PRC1: variants seen among roughly 807,000 people sequenced by gnomAD.
The protein encoded by PRC1 is protein regulator of cytokinesis 1.
A neutral mutation model predicts 91.2 loss-of-function variants in PRC1; 54 were observed. That is an observed-to-expected ratio of 0.59 (90% confidence interval 0.48 to 0.74). PRC1 has a LOEUF of 0.74. PRC1 is among the 30% of genes least tolerant of loss of function. The pLI, the probability that PRC1 is intolerant of heterozygous loss-of-function variation, is 0.00. For missense variants in PRC1, 727 were observed against 746.2 expected (o/e 0.97, Z 0.30); for synonymous variants, 275 against 263.6 (o/e 1.04, Z -0.42).
At position 90,980,191 on chromosome 15, in the gene PRC1, G is replaced by A. The variant is rs773710907; in HGVS notation, c.970+51C>T. 40 of 1,536,024 alleles carry A rather than the reference G, an allele frequency of 2.6e-5. 1 individual carries two copies. The African/African-American group carries it at 4.5e-4, about 17-fold the overall frequency. ...ACTTGAGACTAGGCTGGGCAACAGAGTAAGACCTGTCTCCAAACAAACAAA... is the reference window on the plus strand; with the variant it reads ...ACTTGAGACTAGGCTGGGCAACAGAATAAGACCTGTCTCCAAACAAACAAA... On this transcript the variant is annotated intron_variant, in intron 7 of 14. Coordinates refer to ENST00000394249, the MANE Select transcript of PRC1 (RefSeq NM_003981.4).
At chr15:90,980,736 C>T in intron 6 of PRC1, 148 bp downstream of exon 6, 1 of 1,123,134 alleles carries the variant, frequency 8.9e-7, no homozygotes, top group Admixed American at 2.4e-5. Context: ...GAACTCCTGA[C>T]CTCAAATGAT....
chr15:90,993,522 A>C lies in PRC1; in HGVS notation c.11+885T>G, dbSNP rs112775047. The stretch of plus-strand genomic sequence containing the variant: ...GCCTTAGAACAATCAGTTCCACCAA[A>C]AACTACACATTATTTAACGCTGTAT... On this transcript the variant is annotated intron_variant, in intron 1 of 14. Transcript: ENST00000394249. Among the ~76,000 whole-genome samples, 7 of 152,290 alleles carry C rather than the reference A, an allele frequency of 4.6e-5. 1 individual carries two copies. The highest frequency in any genetic ancestry group is 1.7e-4 in the African/African-American group (7 of 41,554).
Position 90,990,391 on chromosome 15 carries a change from AT to A in PRC1, c.11+4015del, listed in dbSNP as rs200166312. 8.4e-3 allele frequency among the ~76,000 whole-genome samples: 1,188 copies of A among 141,804 alleles called. 10 individuals carry two copies. The highest frequency in any genetic ancestry group is 0.018 in the South Asian group (83 of 4,588). The allele number at this position is 141,804 out of a possible 152,430, so 93.0% of individuals were successfully genotyped here. A position where few individuals can be genotyped will look rare whatever the true frequency, so the allele number is the denominator to read the frequency against. On this transcript the variant is annotated intron_variant, in intron 1 of 14. Transcript: ENST00000394249. ...AAATAAATAAATAAATAAATAAATA[AT>A]TTTTTTTTTTTTTTTAAGAGGTAGA...
In PRC1 at chr15:90,984,894, G is replaced by A. The variant is rs1483178900; in HGVS notation, c.12-69C>T. 6.4e-7 allele frequency: 1 copy of A among 1,569,764 alleles called. No individual in the cohort carries two copies. The highest frequency in any genetic ancestry group is 8.6e-7 in the Non-Finnish European group (1 of 1,159,952). ...CCTCTGGACTAAAAGCACTATTTTCGAGAACTAAAAAGACTAGCTTCTCAG... is the reference window on the plus strand; with the variant it reads ...CCTCTGGACTAAAAGCACTATTTTCAAGAACTAAAAAGACTAGCTTCTCAG... On this transcript the variant is annotated intron_variant, in intron 1 of 14. Transcript: ENST00000394249. This position sits in a 1 kb window ranked among gnomAD's most constrained non-coding sequence, Gnocchi z 5.1.
chr15:90,984,917 C>T lies in PRC1; in HGVS notation c.12-92G>A. On this transcript the variant is annotated intron_variant, in intron 1 of 14. Coordinates refer to ENST00000394249, the MANE Select transcript of PRC1 (RefSeq NM_003981.4). The surrounding 1 kb of genome is among the most constrained non-coding windows in gnomAD (Gnocchi z 5.1). Reference sequence around the variant, plus strand: ...TCGAGAACTAAAAAGACTAGCTTCTCAGTGGCCTCGAGAAAAAAACAAATT... The same window carrying T: ...TCGAGAACTAAAAAGACTAGCTTCTTAGTGGCCTCGAGAAAAAAACAAATT... The T allele has an allele frequency of 2.0e-6, 3 of 1,503,642 alleles. No individual in the cohort carries two copies. The highest frequency in any genetic ancestry group is 2.7e-6 in the Non-Finnish European group (3 of 1,111,814). The allele number at this position is 1,503,642 out of a possible 1,614,324, so 93.1% of individuals were successfully genotyped here.
chr15:90,975,870 C>T (rs539496989), intron 9 of PRC1, among the ~76,000 whole-genome samples: 2 of 152,046 alleles, frequency 1.3e-5, no homozygotes, highest in East Asian at 1.9e-4. Context: ...TTAGGTGGGC[C>T]CTAATCTCAT....
intron 12 of PRC1, among the ~76,000 whole-genome samples, chr15:90,969,919 G>GA (rs1009348572): frequency 6.6e-6 from 1 of 151,674 alleles, no homozygotes; most frequent in African/African-American, 2.4e-5. Flanking sequence ...ACTGTCTCTA[G>GA]AAAAAAATTT....
At chr15:90,972,362 GAT>G (rs2038232572) in intron 11 of PRC1, among the ~76,000 whole-genome samples, 1 of 152,086 alleles carries the variant, frequency 6.6e-6, no homozygotes, top group Non-Finnish European at 1.5e-5. Context: ...CGGTGTGGGT[GAT>G]AGAGCAAGAC....
At position 90,984,966 on chromosome 15, in the gene PRC1, C is replaced by T. The variant is rs1467496294; in HGVS notation, c.12-141G>A. 2.1e-6 allele frequency: 2 copies of T among 943,604 alleles called. No individual in the cohort carries two copies. The highest frequency in any genetic ancestry group is 2.5e-5 in the East Asian group (1 of 39,288). 58.5% of individuals were successfully genotyped at this position (943,604 alleles called of 1,614,324 possible). ...TTGAAAACAAGCATTCAGCTTAATTCACCTTTAACCACTCCCCATCCCTTT... is the reference window on the plus strand; with the variant it reads ...TTGAAAACAAGCATTCAGCTTAATTTACCTTTAACCACTCCCCATCCCTTT... On this transcript the variant is annotated intron_variant, in intron 1 of 14. Coordinates refer to ENST00000394249, the MANE Select transcript of PRC1 (RefSeq NM_003981.4). This position sits in a 1 kb window ranked among gnomAD's most constrained non-coding sequence, Gnocchi z 5.1.
Position 90,974,128 on chromosome 15 carries a change from GT to G in PRC1, c.1461+7del. On this transcript the variant is annotated splice_region_variant and intron_variant, in intron 11 of 14. Coordinates refer to ENST00000394249, the MANE Select transcript of PRC1 (RefSeq NM_003981.4). The surrounding 1 kb of genome is among the most constrained non-coding windows in gnomAD (Gnocchi z 4.6). ...TGAAATCAGTGTTTCCCTAAGCCTTGTGTTTACCTTACGTGCTTTGCCCGGT... is the reference window on the plus strand; with the variant it reads ...TGAAATCAGTGTTTCCCTAAGCCTTGGTTTACCTTACGTGCTTTGCCCGGT... 1.9e-6 allele frequency: 3 copies of G among 1,610,768 alleles called. No homozygotes were observed. Among genetic ancestry groups the G allele is most frequent in the Non-Finnish European group, 2.5e-6 (3 of 1,176,956 alleles).
chr15:90,984,117 A>G lies in PRC1; in HGVS notation c.168T>C (p.Ala56=), dbSNP rs376144274. The G allele has an allele frequency of 4.3e-6, 7 of 1,614,026 alleles. No individual in the cohort carries two copies. The African/African-American group carries it at 9.3e-5, about 22-fold the overall frequency. ...GTCTTTCCTTCAGGCTTTCCTCTTC[A>G]GCAATCATCATATCCAGGAGTTCCT... The part of the protein sequence containing the change: ...HIKELLDMMI[A]EEESLKERLI... The change falls in exon 3 of 15, where the codon GCT becomes GCC. Residue 56 remains alanine, a synonymous_variant. Coordinates refer to ENST00000394249, the MANE Select transcript of PRC1 (RefSeq NM_003981.4). The surrounding 1 kb of genome is among the most constrained non-coding windows in gnomAD (Gnocchi z 5.1).
intron 3 of PRC1, among the ~76,000 whole-genome samples, chr15:90,983,105 T>C (rs149518239): frequency 3.3e-5 from 5 of 152,340 alleles, no homozygotes; most frequent in African/African-American, 9.6e-5. Flanking sequence ...AGAGAAACTA[T>C]GTCCAAAATC....
In PRC1 at chr15:90,974,524, T is replaced by C. The variant is rs1233199729; in HGVS notation, c.1350+61A>G. On this transcript the variant is annotated intron_variant, in intron 10 of 14. Coordinates refer to ENST00000394249, the MANE Select transcript of PRC1 (RefSeq NM_003981.4). This position sits in a 1 kb window ranked among gnomAD's most constrained non-coding sequence, Gnocchi z 4.6. ...ACAAACCCTGGTCCCCGGCAGAGAC[T>C]ATGGGCTGCTCAGATTACTTTCTTC... is the stretch of plus-strand genomic sequence containing the variant. 1 of 1,605,872 alleles carries C rather than the reference T, an allele frequency of 6.2e-7. No homozygotes were observed. Among genetic ancestry groups the C allele is most frequent in the African/African-American group, 1.3e-5 (1 of 74,678 alleles).
rs761637851 is a variant in PRC1 at position 90,969,507 on chromosome 15, C to T, written c.1689G>A (p.Ser563=). The T allele has an allele frequency of 2.4e-5, 39 of 1,612,670 alleles. No homozygotes were observed. Among genetic ancestry groups the T allele is most frequent in the Middle Eastern group, 3.3e-4 (2 of 6,068 alleles). Residue 563 remains serine (S), a synonymous_variant, in exon 13 of 15, where the codon TCG becomes TCA. Transcript: ENST00000394249. The part of the protein sequence containing the change: ...GSILSGGYPG[S]APLQRNFSIN... ...TGCTGAAGTTGCGCTGGAGGGGGGCCGAGCCAGGGTACCCACCACTCAGGA... is the reference window on the plus strand; with the variant it reads ...TGCTGAAGTTGCGCTGGAGGGGGGCTGAGCCAGGGTACCCACCACTCAGGA...
In PRC1 at chr15:90,984,126, C is replaced by T. The variant is rs760746534; in HGVS notation, c.159G>A (p.Met53Ile). The change falls in exon 3 of 15, where the codon ATG (methionine) becomes ATA (isoleucine). Residue 53 changes from methionine (M) to isoleucine (I), a missense_variant. Transcript: ENST00000394249. This position sits in a 1 kb window ranked among gnomAD's most constrained non-coding sequence, Gnocchi z 5.1. ...TCAGGCTTTCCTCTTCAGCAATCAT[C>T]ATATCCAGGAGTTCCTACAAGAGGG... is the stretch of plus-strand genomic sequence containing the variant. The part of the protein sequence containing the change: ...VKKHIKELLD[M>I]MIAEEESLKE... 6.2e-7 allele frequency: 1 copy of T among 1,614,148 alleles called. No homozygotes were observed. The highest frequency in any genetic ancestry group is 1.3e-5 in the African/African-American group (1 of 75,056).
At position 90,969,517 on chromosome 15, in the gene PRC1, T is replaced by C. The variant is rs1002708250; in HGVS notation, c.1679A>G (p.Tyr560Cys). 1 of 1,613,588 alleles carries C rather than the reference T, an allele frequency of 6.2e-7. No individual in the cohort carries two copies. The highest frequency in any genetic ancestry group is 8.5e-7 in the Non-Finnish European group (1 of 1,179,680). Residue 560 changes from tyrosine (Y) to cysteine (C), a missense_variant, in exon 13 of 15, where the codon TAC becomes TGC. By Grantham distance (194) the Tyr-to-Cys change is radical (BLOSUM62 -2). Coordinates refer to ENST00000394249, the MANE Select transcript of PRC1 (RefSeq NM_003981.4). ...GCGCTGGAGGGGGGCCGAGCCAGGG[T>C]ACCCACCACTCAGGATGCTGCCGTT... Reference protein sequence around the residue: ...ELNGSILSGGYPGSAPLQRNF... With the variant: ...ELNGSILSGGCPGSAPLQRNF...
At chr15:90,986,797 T>C (rs1178972915) in intron 1 of PRC1, among the ~76,000 whole-genome samples, 1 of 151,742 alleles carries the variant, frequency 6.6e-6, no homozygotes, top group Non-Finnish European at 1.5e-5. Flanking sequence ...GTAAAGCGAG[T>C]CTGTTTTACT....
intron 1 of PRC1, among the ~76,000 whole-genome samples, chr15:90,986,526 G>A (rs1197910371): frequency 6.6e-6 from 1 of 152,162 alleles, no homozygotes; most frequent in African/African-American, 2.4e-5. Context: ...GGCGGCTGAG[G>A]CAGGAGAATC....
chr15:90,992,942 A>G (rs1359788100), intron 1 of PRC1, among the ~76,000 whole-genome samples: 2 of 151,636 alleles, frequency 1.3e-5, no homozygotes, highest in Middle Eastern at 3.4e-3. Context: ...CTCCAGTTCA[A>G]CCTGTTTCGG....
Sources: allele counts gnomAD v4.1 joint callset (sites outside exome capture counted in the v4.1 genomes callset), GRCh38; gene constraint gnomAD v4.1.1; non-coding constraint Gnocchi (gnomAD v3.1); transcripts MANE v1.5; gene names NCBI Gene and HGNC (gene_info 2026-07-23, HGNC 2026-07-21).